The following C1QTNF4 variants were observed in gnomAD, a reference collection of about 807,000 sequenced individuals.
The protein encoded by C1QTNF4 is C1q and TNF related 4, also known as complement C1q tumor necrosis factor-related protein 4.
In C1QTNF4, 12 loss-of-function variants were observed where a neutral mutation model predicts 14.6. That is an observed-to-expected ratio of 0.82 (90% confidence interval 0.53 to 1.33). The LOEUF is 1.33. C1QTNF4 is among the 40% of genes most tolerant of loss of function. The pLI is 0.00. For missense variants in C1QTNF4, 558 were observed against 500.3 expected (o/e 1.12, Z -1.10); for synonymous variants, 278 against 246.6 (o/e 1.13, Z -1.19).
At position 47,590,213 on chromosome 11, in the gene C1QTNF4, G is replaced by T; in HGVS notation, c.598C>A (p.Pro200Thr). Residue 200 changes from proline (P) to threonine (T), a missense_variant, in exon 2 of 2, where the codon CCA (proline) becomes ACA (threonine). Physicochemically the swap from Pro to Thr is conservative, Grantham distance 38. Transcript: ENST00000302514. ...ACGAACTCGGTGTCGAAGGCGAGTG[G>T]TTGGTGCCGCGGCCCGGGGCCAGCG... ...SDAGPGPRHQ[P>T]LAFDTEFVNI... The T allele has an allele frequency of 6.4e-7, 1 of 1,567,292 alleles. No individual in the cohort carries two copies.
In C1QTNF4 at chr11:47,590,447, C is replaced by G. The variant is rs1435391848; in HGVS notation, c.364G>C (p.Ala122Pro). The change falls in exon 2 of 2, where the codon GCC becomes CCC. Residue 122 changes from alanine (A) to proline (P), a missense_variant. Transcript: ENST00000302514. The stretch of plus-strand genomic sequence containing the variant: ...TCGCCGTAGTCGAGCTGCAGCATGG[C>G]GCTCTGGCTGGCTGCGCGCCGCGCG... ...PGARRAASQS[A>P]MLQLDYGDTV... 4 of 1,515,594 alleles carry G rather than the reference C, an allele frequency of 2.6e-6. No individual in the cohort carries two copies. The South Asian group carries it at 5.0e-5, about 19-fold the overall frequency. The allele number at this position is 1,515,594 out of a possible 1,614,324, so 93.9% of individuals were successfully genotyped here.
Position 47,590,818 on chromosome 11 carries a change from G to C in C1QTNF4, c.-5-3C>G. 1 of 1,480,956 alleles carries C rather than the reference G, an allele frequency of 6.8e-7. No individual in the cohort carries two copies. Among genetic ancestry groups the C allele is most frequent in the Non-Finnish European group, 8.9e-7 (1 of 1,122,908 alleles). 91.7% of individuals were successfully genotyped at this position (1,480,956 alleles called of 1,614,324 possible). On this transcript the variant is annotated splice_region_variant and splice_polypyrimidine_tract_variant and intron_variant, in intron 1 of 1. Transcript: ENST00000302514. ...CAGCAGAAGCGGCAGCATGGCGCCT[G>C]GGAGGGAGACGGAGGGGCGAGAGTG...
At chr11:47,591,393 C>T (rs1483533319) in intron 1 of C1QTNF4, among the ~76,000 whole-genome samples, 3 of 125,438 alleles carry the variant, frequency 2.4e-5, no homozygotes, top group African/African-American at 6.2e-5. Flanking sequence ...CCCCGCCCCC[C>T]CCCCTTTTTT....
rs2097274323 is a variant in C1QTNF4, at chr11:47,590,004, C to T, written c.807G>A (p.Met269Ile). 1.2e-6 allele frequency: 2 copies of T among 1,611,568 alleles called. No individual in the cohort carries two copies. ...GGGCCAGCATCACGCTCTGGCTCTG[C>T]ATCTCGCGGCGCCGCGACGCGCCGT... The part of the protein sequence containing the change: ...YDDGASRRRE[M>I]QSQSVMLALR... The change falls in exon 2 of 2, where the codon ATG becomes ATA. Residue 269 changes from methionine (M) to isoleucine (I), a missense_variant. By Grantham distance (10) the Met-to-Ile change is conservative (BLOSUM62 1). Transcript: ENST00000302514.
At position 47,590,110 on chromosome 11, in the gene C1QTNF4, G is replaced by A; in HGVS notation, c.701C>T (p.Thr234Met). ...CGTCTTACGCGGCAGCTTGCCCAGC[G>A]TGAAGGAGAAGAAGTAGGCGCCGGG... Reference protein sequence around the residue: ...RLPGAYFFSFTLGKLPRKTLS... With the variant: ...RLPGAYFFSFMLGKLPRKTLS... The change falls in exon 2 of 2, where the codon ACG becomes ATG. Residue 234 changes from threonine to methionine, a missense_variant. Thr to Met is a moderately conservative substitution (Grantham distance 81, BLOSUM62 -1). Transcript: ENST00000302514. 1 of 1,611,932 alleles carries A rather than the reference G, an allele frequency of 6.2e-7. No individual in the cohort carries two copies. Among genetic ancestry groups the A allele is most frequent in the South Asian group, 1.1e-5 (1 of 91,060 alleles).
upstream of C1QTNF4, among the ~76,000 whole-genome samples, chr11:47,595,038 G>C (rs2097277475): frequency 6.6e-6 from 1 of 151,992 alleles, no homozygotes; most frequent in South Asian, 2.1e-4. Flanking sequence ...GGATTGAGAG[G>C]GCAATAGGTG....
upstream of C1QTNF4, among the ~76,000 whole-genome samples, chr11:47,594,862 C>A (rs1157706287): frequency 1.3e-5 from 2 of 152,126 alleles, no homozygotes; most frequent in Non-Finnish European, 2.9e-5. Context: ...TCCTCCTCAC[C>A]TCCAAATTGG....
chr11:47,589,784 G>GC lies in C1QTNF4; in HGVS notation c.*36dup. 2 of 1,451,046 alleles carry GC rather than the reference G, an allele frequency of 1.4e-6. No individual in the cohort carries two copies. The highest frequency in any genetic ancestry group is 1.8e-6 in the Non-Finnish European group (2 of 1,100,758). The allele number at this position is 1,451,046 out of a possible 1,614,324, so 89.9% of individuals were successfully genotyped here. A position where few individuals can be genotyped will look rare whatever the true frequency, so the allele number is the denominator to read the frequency against. On this transcript the variant is annotated 3_prime_UTR_variant, in exon 2 of 2. Coordinates refer to ENST00000302514, the MANE Select transcript of C1QTNF4 (RefSeq NM_031909.3). ...GCCTCCGGCCCGGCCTGGCATGCAC[G>GC]CCCCTGGCCCTCCCGGGCTCTTCTC...
intron 1 of C1QTNF4, 116 bp from the exon 2 acceptor site, chr11:47,590,931 A>G (rs1322431534): frequency 8.5e-6 from 12 of 1,405,194 alleles, no homozygotes; most frequent in Non-Finnish European, 3.7e-6. Context: ...ACCCACAAGT[A>G]GGTTTCAATT....
upstream of C1QTNF4, chr11:47,594,623 G>C (rs977516011): frequency 6.5e-6 from 1 of 153,380 alleles, no homozygotes; most frequent in Non-Finnish European, 1.4e-5. Context: ...GCTAACGCGG[G>C]GTGGCCCAGA....
rs891633183 is a variant in C1QTNF4 at position 47,590,232 on chromosome 11, GC to G, written c.578del (p.Gly193AlafsTer55). 12 of 1,520,324 alleles carry G rather than the reference GC, an allele frequency of 7.9e-6. No homozygotes were observed. Among genetic ancestry groups the G allele is most frequent in the Non-Finnish European group, 8.8e-6 (10 of 1,141,704 alleles). The allele number at this position is 1,520,324 out of a possible 1,614,324, so 94.2% of individuals were successfully genotyped here. A position where few individuals can be genotyped will look rare whatever the true frequency, so the allele number is the denominator to read the frequency against. On this transcript the variant is annotated frameshift_variant, in exon 2 of 2. Coordinates refer to ENST00000302514, the MANE Select transcript of C1QTNF4 (RefSeq NM_031909.3). LOFTEE classifies it high-confidence loss of function. ...CGAGTGGTTGGTGCCGCGGCCCGGG[GC>G]CAGCGTCCGAGCCCACCAAGCTGCG... Reference protein sequence around the residue: ...RTRSLVGSDAGPGPRHQPLAF... With the variant: ...RTRSLVGSDAXPGPRHQPLAF...
At chr11:47,590,999 G>C (rs1019094488) in intron 1 of C1QTNF4, among the ~76,000 whole-genome samples, 184 bp from the exon 2 acceptor site, 6 of 152,226 alleles carry the variant, frequency 3.9e-5, no homozygotes, top group African/African-American at 1.4e-4. Flanking sequence ...TGGAGGGCGT[G>C]TTCAAACATA....
intron 1 of C1QTNF4, among the ~76,000 whole-genome samples, chr11:47,592,360 G>A (rs1181671029): frequency 1.3e-5 from 2 of 152,196 alleles, no homozygotes; most frequent in African/African-American, 4.8e-5. Flanking sequence ...CCATGTAAAT[G>A]GGGAAGAGAC....
At chr11:47,592,363 G>A (rs1481183439) in intron 1 of C1QTNF4, among the ~76,000 whole-genome samples, 2 of 152,192 alleles carry the variant, frequency 1.3e-5, no homozygotes, top group African/African-American at 4.8e-5. Flanking sequence ...TGTAAATGGG[G>A]AAGAGACCTC....
At chr11:47,592,691 A>ATG (rs1490101843) in intron 1 of C1QTNF4, among the ~76,000 whole-genome samples, 8 of 152,150 alleles carry the variant, frequency 5.3e-5, no homozygotes, top group African/African-American at 1.9e-4. Flanking sequence ...ACAGCCTGGG[A>ATG]TGTGGGCTGC....
Position 47,590,057 on chromosome 11 carries a change from C to T in C1QTNF4, c.754G>A (p.Asp252Asn). The T allele has an allele frequency of 1.9e-6, 3 of 1,612,858 alleles. No homozygotes were observed. The highest frequency in any genetic ancestry group is 2.5e-6 in the Non-Finnish European group (3 of 1,179,208). ...TCGTAAATCATGGCCTGCACCTCGT[C>T]GCGGTTCTTCATCAGCTTAACCGAC... ...TLSVKLMKNRDEVQAMIYDDG... is the reference protein window; with the variant it reads ...TLSVKLMKNRNEVQAMIYDDG... Residue 252 changes from aspartate to asparagine, a missense_variant, in exon 2 of 2, where the codon GAC (aspartate) becomes AAC (asparagine). Transcript: ENST00000302514.
chr11:47,590,853 C>A, intron 1 of C1QTNF4, 38 bp from the exon 2 acceptor site: 1 of 1,438,818 alleles, frequency 7.0e-7, no homozygotes, highest in Admixed American at 2.9e-5. Context: ...GGAGTGTTGG[C>A]AGGGGCGGCT....
At position 47,590,627 on chromosome 11, in the gene C1QTNF4, C is replaced by G; in HGVS notation, c.184G>C (p.Asp62His). ...KVYVNIGGDF[D>H]VATGQFRCRV... is the part of the protein sequence containing the mutation. ...CAGCGAAACTGGCCGGTGGCCACAT[C>G]GAAGTCGCCCCCGATGTTCACGTAC... The change falls in exon 2 of 2, where the codon GAT becomes CAT. Residue 62 changes from aspartate to histidine, a missense_variant. Asp to His is a moderately conservative substitution (Grantham distance 81). Coordinates refer to ENST00000302514, the MANE Select transcript of C1QTNF4 (RefSeq NM_031909.3). 6.2e-7 allele frequency: 1 copy of G among 1,610,804 alleles called. No homozygotes were observed. Among genetic ancestry groups the G allele is most frequent in the South Asian group, 1.1e-5 (1 of 90,628 alleles).
At chr11:47,591,229 C>A (rs1186505555) in intron 1 of C1QTNF4, among the ~76,000 whole-genome samples, 1 of 151,870 alleles carries the variant, frequency 6.6e-6, no homozygotes, top group African/African-American at 2.4e-5. Context: ...CAGGTGCGCA[C>A]CATCACGCCC....
Sources: allele counts gnomAD v4.1 joint callset (sites outside exome capture counted in the v4.1 genomes callset), GRCh38; gene constraint gnomAD v4.1.1; transcripts MANE v1.5; gene names NCBI Gene and HGNC (gene_info 2026-07-23, HGNC 2026-07-21).